The following ERI1 variants were observed in gnomAD, a reference collection of about 807,000 sequenced individuals.
ERI1 encodes 3'-5' exoribonuclease 1.
ERI1 carries 39 observed loss-of-function variants against 39.7 expected under a neutral mutation model. The ratio of observed to expected loss-of-function variants is 0.98; its 90% CI spans 0.76 to 1.28. The LOEUF (loss-of-function observed/expected upper bound fraction) is 1.28, where lower values mean the gene tolerates loss of function less well. ERI1 is among the 50% of genes most tolerant of loss of function. The probability of loss-of-function intolerance (pLI) is 0.00; values close to 1 mark genes in which losing one functional copy is unlikely to be tolerated. For synonymous variants in ERI1, 204 were observed against 149.6 expected (o/e 1.36, Z -2.65); for missense variants, 581 against 416.9 (o/e 1.39, Z -3.43).
downstream of ERI1, among the ~76,000 whole-genome samples, chr8:9,033,568 A>G (rs543829435): frequency 5.9e-5 from 2 of 33,922 alleles, no homozygotes; most frequent in African/African-American, 1.5e-4. Context: ...GCTGAATGTT[A>G]AGGTACAATG....
At chr8:9,061,053 G>T (rs1179910664) in intron 3 of ERI1, among the ~76,000 whole-genome samples, 1 of 152,230 alleles carries the variant, frequency 6.6e-6, no homozygotes, top group African/African-American at 2.4e-5. Flanking sequence ...GAGGGCTTGA[G>T]TTAAGGCAAC....
At chr8:9,060,248 A>G (rs1798647914) in intron 3 of ERI1, among the ~76,000 whole-genome samples, 1 of 152,144 alleles carries the variant, frequency 6.6e-6, no homozygotes, top group South Asian at 2.1e-4. Context: ...CCGAGGAATT[A>G]TGTCTGACAG....
intron 3 of ERI1, among the ~76,000 whole-genome samples, chr8:9,091,902 AT>A (rs935753227): frequency 8.4e-6 from 1 of 118,622 alleles, no homozygotes; most frequent in African/African-American, 2.6e-5. Flanking sequence ...AAAATTGTTA[AT>A]TTGTGGATGT....
chr8:9,018,576 C>T (rs1370873920), intron 5 of ERI1, among the ~76,000 whole-genome samples, 170 bp downstream of exon 5: 2 of 152,100 alleles, frequency 1.3e-5, no homozygotes, highest in Non-Finnish European at 2.9e-5. Flanking sequence ...AGGAAGAAAA[C>T]AGTGGTCACA....
intron 3 of ERI1, among the ~76,000 whole-genome samples, chr8:9,046,362 G>A (rs1242356196): frequency 2.6e-5 from 4 of 152,170 alleles, no homozygotes; most frequent in East Asian, 3.8e-4. Context: ...GCACATATGC[G>A]AGACTGCCTA....
At chr8:9,039,914 GT>G (rs1225985532) in intron 3 of ERI1, among the ~76,000 whole-genome samples, 1 of 152,072 alleles carries the variant, frequency 6.6e-6, no homozygotes, top group Non-Finnish European at 1.5e-5. Context: ...TTTGTGAGCA[GT>G]TTTGTCTATA....
chr8:9,035,885 A>G (rs1797828367), downstream of ERI1, among the ~76,000 whole-genome samples: 1 of 152,208 alleles, frequency 6.6e-6, no homozygotes, highest in Non-Finnish European at 1.5e-5. Context: ...GGAGGTAAAG[A>G]TATCAACCTT....
downstream of ERI1, among the ~76,000 whole-genome samples, chr8:9,035,202 A>G (rs1001232968): frequency 6.6e-6 from 1 of 152,250 alleles, no homozygotes; most frequent in Non-Finnish European, 1.5e-5. Flanking sequence ...TAGCTAAGTT[A>G]TCTAGCTAAG....
chr8:9,061,213 G>A (rs1798684482), intron 3 of ERI1, among the ~76,000 whole-genome samples: 1 of 152,206 alleles, frequency 6.6e-6, no homozygotes, highest in Non-Finnish European at 1.5e-5. Context: ...TGATCGGGGT[G>A]AGGAGCAGGA....
At chr8:9,013,235 A>G (rs1247005875) in intron 3 of ERI1, among the ~76,000 whole-genome samples, 1 of 151,322 alleles carries the variant, frequency 6.6e-6, no homozygotes, top group Non-Finnish European at 1.5e-5. Context: ...GGCTGGTTTC[A>G]AACTCCTGAG....
rs1249952896 is a variant in ERI1 at position 9,059,245 on chromosome 8, G to A, written n.299+38781G>A. Reference sequence around the variant, plus strand: ...AATGTCATCAGTTAAGGCAGGAAGCGGCCATCTGGATGTGTACATGCAGGT... The same window carrying A: ...AATGTCATCAGTTAAGGCAGGAAGCAGCCATCTGGATGTGTACATGCAGGT... On this transcript the variant is annotated intron_variant and non_coding_transcript_variant, in intron 3 of 3. Coordinates refer to the ERI1 transcript ENST00000518663. Among the ~76,000 whole-genome samples, 3 of 152,100 alleles carry A rather than the reference G, an allele frequency of 2.0e-5. No homozygotes were observed. In the East Asian group the frequency reaches 5.8e-4, roughly 29 times the overall value.
chr8:9,073,872 G>A (rs1585285285), intron 3 of ERI1, among the ~76,000 whole-genome samples: 1 of 151,984 alleles, frequency 6.6e-6, no homozygotes, highest in South Asian at 2.1e-4. Context: ...TCTTAAAAAA[G>A]TCAAACCCTA....
intron 3 of ERI1, among the ~76,000 whole-genome samples, chr8:9,081,248 G>C (rs1206640005): frequency 1.3e-5 from 2 of 152,198 alleles, no homozygotes; most frequent in African/African-American, 4.8e-5. Flanking sequence ...ATTACAATTT[G>C]TGATGAGATT....
In ERI1 at chr8:9,032,086, TCTCTGTC is replaced by T. The variant is rs1297736007; in HGVS notation, c.*2056_*2062del. The T allele has an allele frequency of 6.6e-6, 1 of 152,134 alleles. No homozygotes were observed. The highest frequency in any genetic ancestry group is 2.4e-5 in the African/African-American group (1 of 41,420). The allele number at this position is 152,134 out of a possible 1,614,324, so 9.4% of individuals were successfully genotyped here. A position where few individuals can be genotyped will look rare whatever the true frequency, so the allele number is the denominator to read the frequency against. On this transcript the variant is annotated 3_prime_UTR_variant, in exon 7 of 7. Transcript: ENST00000250263. ...AACCCATTTTAATTCCTCTGTTGAG[TCTCTGTC>T]CTCCCCTCCAATTTGATTTGGGATT...
chr8:9,090,044 T>C (rs1221941798), intron 3 of ERI1, among the ~76,000 whole-genome samples: 2 of 152,180 alleles, frequency 1.3e-5, no homozygotes. Flanking sequence ...TTGTCATCAG[T>C]CTCATTGTGC....
chr8:9,078,272 G>A (rs2117444677), intron 3 of ERI1, among the ~76,000 whole-genome samples: 1 of 152,006 alleles, frequency 6.6e-6, no homozygotes, highest in South Asian at 2.1e-4. Flanking sequence ...ATACAAGTGT[G>A]AGCCACCACA....
intron 3 of ERI1, among the ~76,000 whole-genome samples, chr8:9,097,130 T>A (rs1799902496): frequency 6.6e-6 from 1 of 152,108 alleles, no homozygotes; most frequent in African/African-American, 2.4e-5. Context: ...CCTCCATCCT[T>A]CAGGACCCTT....
chr8:9,087,248 T>C lies in ERI1; in HGVS notation n.300-29100T>C, dbSNP rs143552973. 6.0e-4 allele frequency among the ~76,000 whole-genome samples: 91 copies of C among 151,282 alleles called. No individual in the cohort carries two copies. In the East Asian group the frequency reaches 0.011, roughly 19 times the overall value. ...TTATTTATTTTTAAATTATATTTATTATTTATTTATTTTTGAGATGGAGTT... is the reference window on the plus strand; with the variant it reads ...TTATTTATTTTTAAATTATATTTATCATTTATTTATTTTTGAGATGGAGTT... On this transcript the variant is annotated intron_variant and non_coding_transcript_variant, in intron 3 of 3. Coordinates refer to the ERI1 transcript ENST00000518663.
chr8:9,082,575 G>T (rs140198046), intron 3 of ERI1, among the ~76,000 whole-genome samples: 50 of 152,230 alleles, frequency 3.3e-4, no homozygotes, highest in African/African-American at 1.2e-3. Context: ...ACTTCTTGGG[G>T]GTCTTAATCT....
Sources: allele counts gnomAD v4.1 joint callset (sites outside exome capture counted in the v4.1 genomes callset), GRCh38; gene constraint gnomAD v4.1.1; transcripts MANE v1.5; gene names NCBI Gene and HGNC (gene_info 2026-07-23, HGNC 2026-07-21).